NCALD: variants seen among roughly 807,000 people sequenced by gnomAD.
NCALD encodes the protein neurocalcin delta, also known as neurocalcin-delta.
NCALD carries 10 observed loss-of-function variants against 18.6 expected under a neutral mutation model. That is an observed-to-expected ratio of 0.54 (90% CI 0.33 to 0.91). The LOEUF is 0.91. Ranked by LOEUF, NCALD falls within the 40% of genes least tolerant of loss-of-function variation. NCALD has a pLI of 0.03. For synonymous variants in NCALD, 88 were observed against 87.4 expected, an observed-to-expected ratio of 1.01 and a Z score of -0.04; for missense variants, 184 against 247.6, an observed-to-expected ratio of 0.74 and a Z score of 1.72.
intron 2 of NCALD, among the ~76,000 whole-genome samples, chr8:101,941,030 T>A (rs1406330502): frequency 2.0e-5 from 3 of 152,214 alleles, no homozygotes; most frequent in African/African-American, 7.2e-5. Flanking sequence ...AGCTAAGATT[T>A]TAATCTAACC....
In NCALD at chr8:101,771,902, G is replaced by A. The variant is rs549103730; in HGVS notation, c.-20+18960C>T. On this transcript the variant is annotated intron_variant, in intron 1 of 3. Coordinates refer to ENST00000220931, the MANE Select transcript of NCALD (RefSeq NM_032041.3). ...AACTAGGTTATCCCATTCATTCAATGAATAATTATTCCACAAATAGGCACT... is the reference window on the plus strand; with the variant it reads ...AACTAGGTTATCCCATTCATTCAATAAATAATTATTCCACAAATAGGCACT... 3.9e-4 allele frequency among the ~76,000 whole-genome samples: 60 copies of A among 152,296 alleles called. No homozygotes were observed. In the Middle Eastern group the frequency reaches 0.01, roughly 26 times the overall value.
At chr8:102,111,412 ATGTGTGTGTGTG>A (rs57126471) in intron 1 of NCALD, among the ~76,000 whole-genome samples, 1 of 147,656 alleles carries the variant, frequency 6.8e-6, no homozygotes, top group Non-Finnish European at 1.5e-5. Context: ...GTCTAAAGAG[ATGTGTGTGTGTG>A]TGTGTGTGTG....
At chr8:102,019,058 A>G (rs1214369066) in intron 2 of NCALD, among the ~76,000 whole-genome samples, 1 of 152,150 alleles carries the variant, frequency 6.6e-6, no homozygotes, top group Non-Finnish European at 1.5e-5. Context: ...CTCAATAAGA[A>G]AGACAATTTA....
chr8:102,023,627 G>A lies in NCALD; in HGVS notation c.-209-3338C>T, dbSNP rs115635312. 3.3e-3 allele frequency among the ~76,000 whole-genome samples: 505 copies of A among 152,308 alleles called. 2 individuals are homozygous for A. Among genetic ancestry groups the A allele is most frequent in the African/African-American group, 0.011 (477 of 41,570 alleles). ...CATCTGCAAAAGTGCCAGGGATTTG[G>A]ATTAAAACAGTTATTGAGGTCCCTT... On this transcript the variant is annotated intron_variant, in intron 1 of 6. Coordinates refer to the NCALD transcript ENST00000311028.
chr8:101,824,950 T>C (rs1167936937), intron 4 of NCALD, among the ~76,000 whole-genome samples: 2 of 152,230 alleles, frequency 1.3e-5, no homozygotes, highest in African/African-American at 4.8e-5. Flanking sequence ...TAGTGGACTA[T>C]GTTTCTGTAA....
chr8:101,988,148 C>T (rs1262626801), intron 2 of NCALD, among the ~76,000 whole-genome samples: 14 of 123,910 alleles, frequency 1.1e-4, no homozygotes, highest in Admixed American at 1.8e-4. Context: ...CAGCGAGACT[C>T]CGTCTCAAAA....
chr8:101,689,467 C>T lies in NCALD; in HGVS notation c.485-61G>A, dbSNP rs1004983399. The T allele has an allele frequency of 1.5e-6, 2 of 1,310,550 alleles. No homozygotes were observed. Among genetic ancestry groups the T allele is most frequent in the African/African-American group, 2.9e-5 (2 of 68,368 alleles). 81.2% of individuals were successfully genotyped at this position (1,310,550 alleles called of 1,614,324 possible). A position where few individuals can be genotyped will look rare whatever the true frequency, so the allele number is the denominator to read the frequency against. On this transcript the variant is annotated intron_variant, in intron 3 of 3. Transcript: ENST00000220931. This position sits in a 1 kb window ranked among gnomAD's most constrained non-coding sequence, Gnocchi z 4.4. ...GGCAGCTGCATGAGCTTACACCCTTCCCACTACTGCGTGCTGGGCAGTGTC... is the reference window on the plus strand; with the variant it reads ...GGCAGCTGCATGAGCTTACACCCTTTCCACTACTGCGTGCTGGGCAGTGTC...
chr8:102,042,359 A>G (rs1823077088), intron 1 of NCALD, among the ~76,000 whole-genome samples: 1 of 152,088 alleles, frequency 6.6e-6, no homozygotes, highest in South Asian at 2.1e-4. Flanking sequence ...GGGAGCGTCT[A>G]TTCTCACTTC....
chr8:101,851,034 A>G (rs1815071938), intron 4 of NCALD, among the ~76,000 whole-genome samples: 1 of 152,204 alleles, frequency 6.6e-6, no homozygotes, highest in Admixed American at 6.5e-5. Flanking sequence ...CTTCAAGGCA[A>G]CTGAAAGCCT....
chr8:101,999,641 C>T (rs570926707), intron 2 of NCALD, among the ~76,000 whole-genome samples: 4 of 152,104 alleles, frequency 2.6e-5, no homozygotes, highest in Admixed American at 6.5e-5. Context: ...AACCAAACTC[C>T]ACCTGTTCCC....
At chr8:101,803,581 A>C (rs2131093497) in intron 4 of NCALD, among the ~76,000 whole-genome samples, 1 of 152,314 alleles carries the variant, frequency 6.6e-6, no homozygotes, top group Admixed American at 6.5e-5. Flanking sequence ...GGGCAAAGTA[A>C]ATTGAAAACC....
intron 1 of NCALD, among the ~76,000 whole-genome samples, chr8:102,110,249 A>G (rs943211364): frequency 1.3e-5 from 2 of 152,218 alleles, no homozygotes; most frequent in African/African-American, 4.8e-5. Context: ...ATTTTAACTG[A>G]TATGAAAAAC....
intron 4 of NCALD, among the ~76,000 whole-genome samples, chr8:101,810,111 T>G (rs1379506341): frequency 1.3e-5 from 2 of 152,190 alleles, no homozygotes; most frequent in Non-Finnish European, 2.9e-5. Flanking sequence ...CACATTTTGT[T>G]GAGTTTCTGT....
chr8:101,762,010 T>C (rs899740514), intron 1 of NCALD, among the ~76,000 whole-genome samples: 5 of 152,184 alleles, frequency 3.3e-5, no homozygotes, highest in African/African-American at 1.2e-4. Context: ...CCTAATGACC[T>C]TGGGAGCATA....
chr8:101,710,854 C>T (rs192092436), intron 2 of NCALD, among the ~76,000 whole-genome samples: 1 of 152,358 alleles, frequency 6.6e-6, no homozygotes, highest in Admixed American at 6.5e-5. Flanking sequence ...CAGACTTAAA[C>T]ATTCCTGCCT....
chr8:101,951,612 T>C (rs1018977134), intron 2 of NCALD, among the ~76,000 whole-genome samples: 1 of 152,218 alleles, frequency 6.6e-6, no homozygotes, highest in African/African-American at 2.4e-5. Context: ...AGGTGATTCC[T>C]AAAACACTTC....
At chr8:101,806,474 A>G (rs1813106287) in intron 4 of NCALD, among the ~76,000 whole-genome samples, 1 of 152,316 alleles carries the variant, frequency 6.6e-6, no homozygotes, top group African/African-American at 2.4e-5. Context: ...CTACAATGAC[A>G]ATGCCTCATC....
intron 2 of NCALD, among the ~76,000 whole-genome samples, chr8:101,927,593 C>T (rs1372181810): frequency 4.6e-5 from 7 of 152,232 alleles, no homozygotes; most frequent in Non-Finnish European, 8.8e-5. Context: ...GGGTGTGGCA[C>T]GGTCCGACAT....
At chr8:101,719,221 C>G (rs1200605931) in intron 2 of NCALD, 31 bp downstream of exon 2, 1 of 1,594,946 alleles carries the variant, frequency 6.3e-7, no homozygotes, top group South Asian at 1.1e-5. Flanking sequence ...GATACATGCC[C>G]TTCTTTTTTT....
Sources: allele counts gnomAD v4.1 joint callset (sites outside exome capture counted in the v4.1 genomes callset), GRCh38; gene constraint gnomAD v4.1.1; non-coding constraint Gnocchi (gnomAD v3.1); transcripts MANE v1.5; gene names NCBI Gene and HGNC (gene_info 2026-07-23, HGNC 2026-07-21).